GALNTL6: variants seen among roughly 807,000 people sequenced by gnomAD.
GALNTL6 encodes polypeptide N-acetylgalactosaminyltransferase-like 6.
GALNTL6 carries 46 observed loss-of-function variants against 73.7 expected under a neutral mutation model. The ratio of observed to expected loss-of-function variants is 0.62; its 90% CI spans 0.49 to 0.80. The LOEUF (loss-of-function observed/expected upper bound fraction) is 0.80. Ranked by LOEUF, GALNTL6 falls within the 30% of genes least tolerant of loss-of-function variation. The pLI is 0.00. For missense variants in GALNTL6, 604 were observed against 755.0 expected, an observed-to-expected ratio of 0.80 and a Z score of 2.34; for synonymous variants, 259 against 263.7, an observed-to-expected ratio of 0.98 and a Z score of 0.17.
chr4:172,771,735 C>T (rs1738772938), intron 5 of GALNTL6, among the ~76,000 whole-genome samples: 1 of 152,112 alleles, frequency 6.6e-6, no homozygotes, highest in Non-Finnish European at 1.5e-5. Flanking sequence ...CCTTCCCAGA[C>T]CTACTGTATA....
chr4:171,994,546 A>AG (rs892658374), intron 2 of GALNTL6, among the ~76,000 whole-genome samples: 13 of 152,020 alleles, frequency 8.6e-5, no homozygotes, highest in African/African-American at 3.1e-4. Flanking sequence ...TGAGAGATGA[A>AG]GGACTACACA....
chr4:171,988,589 G>A (rs527679437), intron 2 of GALNTL6, among the ~76,000 whole-genome samples: 10 of 152,178 alleles, frequency 6.6e-5, no homozygotes, highest in African/African-American at 2.2e-4. Context: ...GCACCACGGG[G>A]TGGATAGGCA....
chr4:172,398,871 T>C (rs1429103836), intron 5 of GALNTL6, among the ~76,000 whole-genome samples: 1 of 152,100 alleles, frequency 6.6e-6, no homozygotes, highest in Non-Finnish European at 1.5e-5. Context: ...GGTTTTTTTT[T>C]CTTATGGACA....
At chr4:172,724,067 A>G (rs978237121) in intron 5 of GALNTL6, among the ~76,000 whole-genome samples, 1 of 152,162 alleles carries the variant, frequency 6.6e-6, no homozygotes, top group Non-Finnish European at 1.5e-5. Flanking sequence ...CTTGGTAAAG[A>G]TCATAAGTCA....
chr4:172,835,585 C>A (rs2111067555), intron 7 of GALNTL6, among the ~76,000 whole-genome samples: 1 of 152,180 alleles, frequency 6.6e-6, no homozygotes, highest in Non-Finnish European at 1.5e-5. Context: ...GGCTTTTGGG[C>A]AGCAAACCAC....
intron 2 of GALNTL6, among the ~76,000 whole-genome samples, chr4:171,891,396 T>A (rs1736758842): frequency 6.6e-6 from 1 of 152,188 alleles, no homozygotes; most frequent in Non-Finnish European, 1.5e-5. Flanking sequence ...CCTTGAAGAA[T>A]CTTGAGGAAA....
intron 2 of GALNTL6, among the ~76,000 whole-genome samples, chr4:172,133,710 T>C (rs1039442284): frequency 2.0e-5 from 3 of 152,212 alleles, no homozygotes; most frequent in Admixed American, 6.5e-5. Context: ...GTCAGTATCA[T>C]GGATAGAGAA....
chr4:172,129,985 C>T (rs1458805832), intron 2 of GALNTL6, among the ~76,000 whole-genome samples: 1 of 152,058 alleles, frequency 6.6e-6, no homozygotes, highest in Non-Finnish European at 1.5e-5. Flanking sequence ...CAAGGATAGG[C>T]ACTGCAATGG....
intron 5 of GALNTL6, among the ~76,000 whole-genome samples, chr4:172,693,551 C>A (rs1382462416): frequency 6.6e-6 from 1 of 152,184 alleles, no homozygotes; most frequent in Non-Finnish European, 1.5e-5. Context: ...TCCCCACTGC[C>A]TCTTGGGCCA....
chr4:172,602,891 A>C (rs978350511), intron 5 of GALNTL6, among the ~76,000 whole-genome samples: 3 of 152,236 alleles, frequency 2.0e-5, no homozygotes, highest in Admixed American at 6.5e-5. Flanking sequence ...CTAGTCAGTA[A>C]TAAAAAGGAA....
rs201438033 is a variant in GALNTL6 at position 172,098,203 on chromosome 4, G to GTA, written c.139-131444_139-131443dup. Among the ~76,000 whole-genome samples the GTA allele has an allele frequency of 3.3e-3, 495 of 151,978 alleles. 3 individuals are homozygous for GTA. Among genetic ancestry groups the GTA allele is most frequent in the African/African-American group, 0.011 (467 of 41,446 alleles). On this transcript the variant is annotated intron_variant, in intron 2 of 12. Transcript: ENST00000506823. ...ATATATAAGACATCTATATATCTATGTATATATATAGGATATCTATAGGAT... is the reference window on the plus strand; with the variant it reads ...ATATATAAGACATCTATATATCTATGTATATATATATAGGATATCTATAGGAT...
intron 5 of GALNTL6, among the ~76,000 whole-genome samples, chr4:172,582,734 TCACACACACACAGA>T (rs1205048895): frequency 2.2e-5 from 3 of 138,492 alleles, no homozygotes; most frequent in Non-Finnish European, 4.6e-5. Flanking sequence ...CATTGGGAAA[TCACACACACACAGA>T]CACACACACA....
intron 11 of GALNTL6, among the ~76,000 whole-genome samples, chr4:173,011,890 T>C (rs1221258221): frequency 6.6e-6 from 1 of 152,110 alleles, no homozygotes; most frequent in African/African-American, 2.4e-5. Context: ...TTGCCTTTGC[T>C]CTCTTTTAGC....
chr4:172,346,988 C>CTTT (rs34332250), intron 4 of GALNTL6, among the ~76,000 whole-genome samples: 2,427 of 114,348 alleles, frequency 0.021, 138 homozygotes, highest in African/African-American at 0.078. Flanking sequence ...TGTTTTCTTT[C>CTTT]TTTTTTTTTT....
At chr4:172,832,650 T>C (rs1742699937) in intron 7 of GALNTL6, among the ~76,000 whole-genome samples, 1 of 152,156 alleles carries the variant, frequency 6.6e-6, no homozygotes, top group Non-Finnish European at 1.5e-5. Context: ...AGTGTGTAAT[T>C]CACCCCAGGA....
chr4:171,919,971 G>A lies in GALNTL6; in HGVS notation c.138+105253G>A, dbSNP rs150926101. Among the ~76,000 whole-genome samples the A allele has an allele frequency of 8.2e-3, 1,245 of 152,132 alleles. 104 individuals carry two copies. In the East Asian group the frequency reaches 0.2, roughly 24 times the overall value. ...ACACATGCACACGTACGTTTATTGC[G>A]GCACTATTCACAATAGCAAAGACTT... On this transcript the variant is annotated intron_variant, in intron 2 of 12. Coordinates refer to ENST00000506823, the MANE Select transcript of GALNTL6 (RefSeq NM_001034845.3).
intron 10 of GALNTL6, among the ~76,000 whole-genome samples, chr4:172,989,140 C>A (rs949374384): frequency 1.3e-5 from 2 of 152,188 alleles, no homozygotes; most frequent in African/African-American, 4.8e-5. Flanking sequence ...CATGGAAAAG[C>A]TGCAGGCACT....
rs183692287 is a variant in GALNTL6 at position 172,280,963 on chromosome 4, A to C, written c.248-30651A>C. ...ATCACGAGGTCAGGAGATCAAGACC[A>C]TCCTGGCTAACGTGGTGAAACCCCA... On this transcript the variant is annotated intron_variant, in intron 3 of 12. Transcript: ENST00000506823. Among the ~76,000 whole-genome samples the C allele has an allele frequency of 2.0e-4, 31 of 151,662 alleles. No individual in the cohort carries two copies. In the East Asian group the frequency reaches 2.7e-3, roughly 13 times the overall value.
At chr4:172,674,888 CTT>C (rs1370207775) in intron 5 of GALNTL6, among the ~76,000 whole-genome samples, 6 of 152,156 alleles carry the variant, frequency 3.9e-5, no homozygotes, top group Non-Finnish European at 5.9e-5. Context: ...TTTATCATGA[CTT>C]TTAACTTCCT....
Sources: gnomAD v4.1 joint callset for allele counts (sites outside exome capture counted in the v4.1 genomes callset) on GRCh38, gnomAD v4.1.1 for gene constraint, MANE v1.5 for transcripts, NCBI Gene and HGNC (gene_info 2026-07-23, HGNC 2026-07-21) for gene names.